Variants in THTPA observed in about 807,000 individuals in gnomAD.
THTPA encodes thiamine triphosphatase, also known as thiamine-triphosphatase.
THTPA carries 16 observed loss-of-function variants against 16.5 expected under a neutral mutation model. That is an observed-to-expected ratio of 0.97 (90% CI 0.66 to 1.47). THTPA has a LOEUF of 1.47. Among genes scored for constraint, THTPA ranks in the 40% most tolerant of loss-of-function variants. THTPA has a pLI of 0.00. For synonymous variants in THTPA, 110 were observed against 115.5 expected, an observed-to-expected ratio of 0.95 and a Z score of 0.30; for missense variants, 281 against 280.9, an observed-to-expected ratio of 1.00 and a Z score of 0.00.
the THTPA span, among the ~76,000 whole-genome samples, chr14:23,520,540 C>A: frequency 6.6e-6 from 1 of 152,174 alleles, no homozygotes; most frequent in African/African-American, 2.4e-5. This position sits in a 1 kb window ranked among gnomAD's most constrained non-coding sequence, Gnocchi z 8.7. Context: ...TTTGGTGACA[C>A]TGACTTTTCT....
the THTPA span, chr14:23,526,594 T>G: frequency 2.0e-6 from 3 of 1,535,592 alleles, no homozygotes; most frequent in Admixed American, 2.0e-5. Context: ...CAGGGCTTCC[T>G]GAGGGTTTGT....
the THTPA span, chr14:23,521,869 G>A: frequency 2.0e-6 from 3 of 1,500,370 alleles, no homozygotes; most frequent in Admixed American, 2.1e-5. Flanking sequence ...GGGCCAGGGG[G>A]TGGGGTGAGG....
the THTPA span, chr14:23,522,627 G>A: frequency 2.6e-6 from 4 of 1,534,574 alleles, 1 homozygote; most frequent in South Asian, 3.6e-5. Flanking sequence ...CCCCCAGCAG[G>A]GGGCAATGGA....
the THTPA span, chr14:23,521,543 A>G: frequency 6.2e-6 from 1 of 161,512 alleles, no homozygotes; most frequent in East Asian, 1.8e-4. Context: ...TCTCAGTGGA[A>G]CATCATGGGA....
the THTPA span, chr14:23,532,382 C>G: frequency 1.5e-6 from 1 of 680,454 alleles, no homozygotes; most frequent in Non-Finnish European, 2.2e-6. Context: ...AGTTTACTAT[C>G]CTTTGGTCTC....
the THTPA span, chr14:23,524,619 C>T: frequency 2.6e-6 from 4 of 1,536,318 alleles, no homozygotes; most frequent in Non-Finnish European, 3.5e-6. This position sits in a 1 kb window ranked among gnomAD's most constrained non-coding sequence, Gnocchi z 5.6. Flanking sequence ...AAAGAAATGG[C>T]ACACTGGTCA....
At chr14:23,522,008 T>C in the THTPA span, 1 of 1,536,242 alleles carries the variant, frequency 6.5e-7, no homozygotes, top group African/African-American at 1.4e-5. Context: ...TGGGTTGGAG[T>C]CCGTGTGAGG....
chr14:23,532,431 G>A, the THTPA span: 3 of 1,097,214 alleles, frequency 2.7e-6, no homozygotes, highest in Non-Finnish European at 2.5e-6. Flanking sequence ...TGGTACATAT[G>A]TCATTACCTG....
At chr14:23,520,424 G>C in the THTPA span, among the ~76,000 whole-genome samples, 1 of 152,114 alleles carries the variant, frequency 6.6e-6, no homozygotes, top group Admixed American at 6.5e-5. This position sits in a 1 kb window ranked among gnomAD's most constrained non-coding sequence, Gnocchi z 8.7. Flanking sequence ...GAGTTTGTGA[G>C]AAAGGTAAAT....
chr14:23,525,118 T>G, the THTPA span: 1 of 1,536,178 alleles, frequency 6.5e-7, no homozygotes, highest in Non-Finnish European at 8.7e-7. The surrounding 1 kb of genome is among the most constrained non-coding windows in gnomAD (Gnocchi z 5.9). Flanking sequence ...ACTGCAGGGC[T>G]TGGGTCTGGA....
chr14:23,525,797 C>T, the THTPA span: 2 of 1,479,792 alleles, frequency 1.4e-6, no homozygotes. This position sits in a 1 kb window ranked among gnomAD's most constrained non-coding sequence, Gnocchi z 5.9. Context: ...AGGTGCAGGC[C>T]CAGCTAGTGT....
upstream of THTPA, among the ~76,000 whole-genome samples, chr14:23,553,340 C>T (rs1432071507): frequency 6.6e-6 from 1 of 152,220 alleles, no homozygotes; most frequent in Non-Finnish European, 1.5e-5. Flanking sequence ...TGGCTCACTC[C>T]TGTAATCCCA....
At position 23,558,696 on chromosome 14, in the gene THTPA, T is replaced by G; in HGVS notation, c.549T>G (p.Gly183=). Residue 183 remains glycine (G), a splice_region_variant and synonymous_variant, in exon 2 of 2, where the codon GGT becomes GGG. Coordinates refer to ENST00000288014, the MANE Select transcript of THTPA (RefSeq NM_024328.6). ...EKIHRLSSML[G]VPAQETAPAK... The stretch of plus-strand genomic sequence containing the variant: ...TCCTCATTGTCCTTTTACCTGTAGG[T>G]GTGCCTGCACAGGAGACAGCACCAG... 1 of 1,614,188 alleles carries G rather than the reference T, an allele frequency of 6.2e-7. No individual in the cohort carries two copies. Among genetic ancestry groups the G allele is most frequent in the Non-Finnish European group, 8.5e-7 (1 of 1,180,032 alleles).
At chr14:23,540,894 C>T in the THTPA span, among the ~76,000 whole-genome samples, 2 of 151,922 alleles carry the variant, frequency 1.3e-5, no homozygotes, top group Non-Finnish European at 2.9e-5. Context: ...TTCTGTTCAC[C>T]CCTTTTTCTT....
the THTPA span, chr14:23,533,593 G>T: frequency 6.5e-7 from 1 of 1,536,592 alleles, no homozygotes; most frequent in Non-Finnish European, 8.7e-7. The surrounding 1 kb of genome is among the most constrained non-coding windows in gnomAD (Gnocchi z 4.8). Flanking sequence ...GGAGATGTTT[G>T]TCTCGTAGCT....
At chr14:23,526,026 T>A in the THTPA span, 1 of 1,535,872 alleles carries the variant, frequency 6.5e-7, no homozygotes, top group Non-Finnish European at 8.7e-7. Context: ...TTCTTCTCAG[T>A]GCCCACCTCC....
upstream of THTPA, chr14:23,555,915 A>C (rs1348187692): frequency 6.6e-6 from 1 of 152,236 alleles, no homozygotes; most frequent in Admixed American, 6.5e-5. Context: ...CGCAGGCACC[A>C]AGTGCAGCTT....
At chr14:23,521,751 G>T in the THTPA span, 82 of 825,868 alleles carry the variant, frequency 9.9e-5, no homozygotes, top group South Asian at 3.8e-5. Context: ...TGAGGAGGAG[G>T]ATCAATGTGT....
chr14:23,538,459 C>G, the THTPA span, among the ~76,000 whole-genome samples: 1 of 152,000 alleles, frequency 6.6e-6, no homozygotes, highest in African/African-American at 2.4e-5. Context: ...CCTTCCTTCC[C>G]TCTCAGAATC....
Sources: gnomAD v4.1 joint callset for allele counts (sites outside exome capture counted in the v4.1 genomes callset) on GRCh38, gnomAD v4.1.1 for gene constraint, Gnocchi (gnomAD v3.1) non-coding constraint, MANE v1.5 for transcripts, NCBI Gene and HGNC (gene_info 2026-07-23, HGNC 2026-07-21) for gene names.